The following SAMD10 variants were observed in gnomAD, a reference collection of about 807,000 sequenced individuals.
SAMD10 encodes sterile alpha motif domain-containing protein 10.
In SAMD10, 16 loss-of-function variants were observed where a neutral mutation model predicts 22.5. That is an observed-to-expected ratio of 0.71 (90% CI 0.48 to 1.08). SAMD10 has a LOEUF of 1.08. SAMD10 is among the 50% of genes least tolerant of loss of function. The pLI, the probability that SAMD10 is intolerant of heterozygous loss-of-function variation, is 0.00. For missense variants in SAMD10, 227 were observed against 281.3 expected (o/e 0.81, Z 1.38); for synonymous variants, 118 against 122.2 (o/e 0.97, Z 0.23).
chr20:63,976,706 G>A (rs115327087), intron 3 of SAMD10, among the ~76,000 whole-genome samples: 1,601 of 135,846 alleles, frequency 0.012, 27 homozygotes, highest in African/African-American at 0.041. Flanking sequence ...AGGATGTGGT[G>A]AGCCAAGATC....
Position 63,979,188 on chromosome 20 carries a change from C to T in SAMD10, c.91+189G>A, listed in dbSNP as rs934098710. On this transcript the variant is annotated intron_variant, in intron 1 of 4. Transcript: ENST00000369886. The surrounding 1 kb of genome is among the most constrained non-coding windows in gnomAD (Gnocchi z 7.7). ...CCCCAAGCCAAGGGCGCGCTGACCCCCAAGGCCTGAGGCTGGCTGCCCCCT... is the reference window on the plus strand; with the variant it reads ...CCCCAAGCCAAGGGCGCGCTGACCCTCAAGGCCTGAGGCTGGCTGCCCCCT... 6.6e-6 allele frequency among the ~76,000 whole-genome samples: 1 copy of T among 152,088 alleles called. No homozygotes were observed. Among genetic ancestry groups the T allele is most frequent in the African/African-American group, 2.4e-5 (1 of 41,424 alleles).
rs746817319 is a variant in SAMD10 at position 63,977,437 on chromosome 20, C to G, written c.92-31G>C. On this transcript the variant is annotated intron_variant, in intron 1 of 4. Coordinates refer to ENST00000369886, the MANE Select transcript of SAMD10 (RefSeq NM_080621.5). The surrounding 1 kb of genome is among the most constrained non-coding windows in gnomAD (Gnocchi z 5.4). ...TGTGGGGGTGCCTGGTCAGGGCAGT[C>G]AAGGGCAGAACCAGAGGCTTCCTCT... 1.2e-6 allele frequency: 2 copies of G among 1,607,114 alleles called. No homozygotes were observed. Among genetic ancestry groups the G allele is most frequent in the Admixed American group, 1.7e-5 (1 of 59,848 alleles).
chr20:63,978,542 G>C (rs916791062), intron 1 of SAMD10, among the ~76,000 whole-genome samples: 1 of 152,144 alleles, frequency 6.6e-6, no homozygotes, highest in African/African-American at 2.4e-5. Flanking sequence ...CAGGGGTTGG[G>C]GATGTGTCTA....
Position 63,979,017 on chromosome 20 carries a change from G to C in SAMD10, c.91+360C>G, listed in dbSNP as rs1432455913. The stretch of plus-strand genomic sequence containing the variant: ...AACGTCAGGATTCCAGAAGGAAATG[G>C]GGCGGGGGCACCGAGGCGGGATGTG... On this transcript the variant is annotated intron_variant, in intron 1 of 4. Coordinates refer to ENST00000369886, the MANE Select transcript of SAMD10 (RefSeq NM_080621.5). The surrounding 1 kb of genome is among the most constrained non-coding windows in gnomAD (Gnocchi z 7.7). Among the ~76,000 whole-genome samples the C allele has an allele frequency of 6.6e-6, 1 of 152,202 alleles. No homozygotes were observed. Among genetic ancestry groups the C allele is most frequent in the Non-Finnish European group, 1.5e-5 (1 of 68,028 alleles).
chr20:63,979,320 T>G lies in SAMD10; in HGVS notation c.91+57A>C. The stretch of plus-strand genomic sequence containing the variant: ...GGGTCCCGCCCCGCCCCCGTGCCTC[T>G]GGGTCCCTGAGACCCCCGCCCGAGA... On this transcript the variant is annotated intron_variant, in intron 1 of 4. Transcript: ENST00000369886. The surrounding 1 kb of genome is among the most constrained non-coding windows in gnomAD (Gnocchi z 7.7). 3 of 820,826 alleles carry G rather than the reference T, an allele frequency of 3.7e-6. No individual in the cohort carries two copies. The highest frequency in any genetic ancestry group is 5.0e-6 in the Non-Finnish European group (3 of 602,220). The allele number at this position is 820,826 out of a possible 1,614,324, so 50.8% of individuals were successfully genotyped here.
chr20:63,980,041 G>A (rs1481275194), upstream of SAMD10: 1 of 152,576 alleles, frequency 6.6e-6, no homozygotes, highest in Non-Finnish European at 1.5e-5. Flanking sequence ...CTGGCTCAGT[G>A]CCCGGGGGAG....
rs1412165438 is a variant in SAMD10, at chr20:63,975,849, G to A, written c.446-17C>T. 1.3e-5 allele frequency: 20 copies of A among 1,576,986 alleles called. No individual in the cohort carries two copies. Among genetic ancestry groups the A allele is most frequent in the Non-Finnish European group, 1.5e-5 (18 of 1,168,106 alleles). ...GTGCCCGGCCTGGGGAGAGGAAAGA[G>A]GGGCTGAGCTGAGGCCAACAGAGGC... On this transcript the variant is annotated splice_polypyrimidine_tract_variant and intron_variant, in intron 3 of 4. Coordinates refer to ENST00000369886, the MANE Select transcript of SAMD10 (RefSeq NM_080621.5).
chr20:63,976,360 G>C (rs2059022330), intron 3 of SAMD10, among the ~76,000 whole-genome samples: 1 of 152,072 alleles, frequency 6.6e-6, no homozygotes, highest in African/African-American at 2.4e-5. Context: ...AAAACACACA[G>C]AGACTTAAAG....
At chr20:63,976,809 A>AAAAGACAG (rs2059026244) in intron 3 of SAMD10, among the ~76,000 whole-genome samples, 162 bp downstream of exon 3, 1 of 151,612 alleles carries the variant, frequency 6.6e-6, no homozygotes, top group African/African-American at 2.4e-5. Flanking sequence ...AGAGAGATAG[A>AAAAGACAG]AAAGACAGAT....
At position 63,977,416 on chromosome 20, in the gene SAMD10, G is replaced by T. The variant is rs1435122965; in HGVS notation, c.92-10C>A. 6.2e-7 allele frequency: 1 copy of T among 1,612,190 alleles called. No individual in the cohort carries two copies. The highest frequency in any genetic ancestry group is 8.5e-7 in the Non-Finnish European group (1 of 1,179,678). On this transcript the variant is annotated splice_polypyrimidine_tract_variant and intron_variant, in intron 1 of 4. Transcript: ENST00000369886. The surrounding 1 kb of genome is among the most constrained non-coding windows in gnomAD (Gnocchi z 5.4). Reference sequence around the variant, plus strand: ...CTGAAGTGGGCAGTGGCTGTGTGTGGGGGTGCCTGGTCAGGGCAGTCAAGG... The same window carrying T: ...CTGAAGTGGGCAGTGGCTGTGTGTGTGGGTGCCTGGTCAGGGCAGTCAAGG...
Position 63,979,295 on chromosome 20 carries a change from G to A in SAMD10, c.91+82C>T. On this transcript the variant is annotated intron_variant, in intron 1 of 4. Coordinates refer to ENST00000369886, the MANE Select transcript of SAMD10 (RefSeq NM_080621.5). The surrounding 1 kb of genome is among the most constrained non-coding windows in gnomAD (Gnocchi z 7.7). The stretch of plus-strand genomic sequence containing the variant: ...CAGCCACCGCCGCTCGAAGCCCGCC[G>A]GGTCCCGCCCCGCCCCCGTGCCTCT... The A allele has an allele frequency of 1.9e-6, 2 of 1,041,566 alleles. No individual in the cohort carries two copies. The highest frequency in any genetic ancestry group is 2.6e-6 in the Non-Finnish European group (2 of 776,548). The allele number at this position is 1,041,566 out of a possible 1,614,324, so 64.5% of individuals were successfully genotyped here. A position where few individuals can be genotyped will look rare whatever the true frequency, so the allele number is the denominator to read the frequency against.
intron 1 of SAMD10, chr20:63,978,393 G>A: frequency 9.9e-7 from 1 of 1,014,700 alleles, no homozygotes; most frequent in South Asian, 1.3e-5. Context: ...GCACAGGCCT[G>A]CCCCTGTCTT....
At position 63,975,188 on chromosome 20, in the gene SAMD10, A is replaced by AG. The variant is rs1357946174; in HGVS notation, c.*321dup. Reference sequence around the variant, plus strand: ...AAATAAACAGACTCCCTGGGAGTCTAGGGGGGACATCCAAACCGGTTCTGG... The same window carrying AG: ...AAATAAACAGACTCCCTGGGAGTCTAGGGGGGGACATCCAAACCGGTTCTGG... On this transcript the variant is annotated 3_prime_UTR_variant, in exon 5 of 5. Transcript: ENST00000369886. The AG allele has an allele frequency of 8.9e-6, 4 of 448,002 alleles. No homozygotes were observed. Among genetic ancestry groups the AG allele is most frequent in the Admixed American group, 4.3e-5 (1 of 23,278 alleles). The allele number at this position is 448,002 out of a possible 1,614,324, so 27.8% of individuals were successfully genotyped here.
chr20:63,979,345 AAATCCCCGCTCCCC>A lies in SAMD10; in HGVS notation c.91+18_91+31del, dbSNP rs2059047646. The A allele has an allele frequency of 7.5e-7, 1 of 1,332,938 alleles. No individual in the cohort carries two copies. 82.6% of individuals were successfully genotyped at this position (1,332,938 alleles called of 1,614,324 possible). ...TGGGTCCCTGAGACCCCCGCCCGAGAAATCCCCGCTCCCCAATCCAGCCCCGCTCACCGTCCACA... is the reference window on the plus strand; with the variant it reads ...TGGGTCCCTGAGACCCCCGCCCGAGAAATCCAGCCCCGCTCACCGTCCACA... On this transcript the variant is annotated intron_variant, in intron 1 of 4. Coordinates refer to ENST00000369886, the MANE Select transcript of SAMD10 (RefSeq NM_080621.5). This position sits in a 1 kb window ranked among gnomAD's most constrained non-coding sequence, Gnocchi z 7.7.
Position 63,979,632 on chromosome 20 carries a change from G to A in SAMD10, c.-165C>T, listed in dbSNP as rs2059050762. The A allele has an allele frequency of 1.0e-6, 1 of 985,028 alleles. No homozygotes were observed. The highest frequency in any genetic ancestry group is 1.2e-6 in the Non-Finnish European group (1 of 830,034). The allele number at this position is 985,028 out of a possible 1,614,324, so 61.0% of individuals were successfully genotyped here. On this transcript the variant is annotated 5_prime_UTR_variant, in exon 1 of 5. Transcript: ENST00000369886. The surrounding 1 kb of genome is among the most constrained non-coding windows in gnomAD (Gnocchi z 7.7). ...TGTGCGCGACGAGGCACCTGCCGCC[G>A]AGCCCTGTGTGCCGGGCGCGCTCCG...
At position 63,978,869 on chromosome 20, in the gene SAMD10, C is replaced by T. The variant is rs918253347; in HGVS notation, c.91+508G>A. On this transcript the variant is annotated intron_variant, in intron 1 of 4. Coordinates refer to ENST00000369886, the MANE Select transcript of SAMD10 (RefSeq NM_080621.5). The stretch of plus-strand genomic sequence containing the variant: ...AAGCGCGCGGCAGTCCGGGGAAACC[C>T]GTCGGACTCCTCAGCCCGCACGGCA... 1.6e-4 allele frequency among the ~76,000 whole-genome samples: 25 copies of T among 152,330 alleles called. No individual in the cohort carries two copies. The South Asian group carries it at 5.2e-3, about 32-fold the overall frequency.
chr20:63,975,151 A>G lies in SAMD10; in HGVS notation c.*359T>C. On this transcript the variant is annotated 3_prime_UTR_variant, in exon 5 of 5. Transcript: ENST00000369886. ...GCGATGGGGGACCGACATCACGTGG[A>G]GAGGGGAATGTAAATAAACAGACTC... 1 of 326,330 alleles carries G rather than the reference A, an allele frequency of 3.1e-6. No individual in the cohort carries two copies. Among genetic ancestry groups the G allele is most frequent in the South Asian group, 3.2e-5 (1 of 31,180 alleles). The allele number at this position is 326,330 out of a possible 1,614,324, so 20.2% of individuals were successfully genotyped here.
In SAMD10 at chr20:63,975,357, A is replaced by C; in HGVS notation, c.*153T>G. 2.4e-6 allele frequency: 2 copies of C among 826,242 alleles called. No homozygotes were observed. Among genetic ancestry groups the C allele is most frequent in the East Asian group, 2.9e-5 (1 of 34,282 alleles). The allele number at this position is 826,242 out of a possible 1,614,324, so 51.2% of individuals were successfully genotyped here. ...GGAATGTCCAACCAGAGGCGCCTGGAGGTGTGATCCTGGTCCTGTCTGTCC... is the reference window on the plus strand; with the variant it reads ...GGAATGTCCAACCAGAGGCGCCTGGCGGTGTGATCCTGGTCCTGTCTGTCC... On this transcript the variant is annotated 3_prime_UTR_variant, in exon 5 of 5. Coordinates refer to ENST00000369886, the MANE Select transcript of SAMD10 (RefSeq NM_080621.5).
intron 1 of SAMD10, among the ~76,000 whole-genome samples, chr20:63,978,718 TG>T (rs764987209): frequency 1.3e-5 from 2 of 152,212 alleles, no homozygotes; most frequent in African/African-American, 4.8e-5. Context: ...GTGTGCTCAG[TG>T]GGCCACCGCC....
Sources: allele counts gnomAD v4.1 joint callset (sites outside exome capture counted in the v4.1 genomes callset), GRCh38; gene constraint gnomAD v4.1.1; non-coding constraint Gnocchi (gnomAD v3.1); transcripts MANE v1.5; gene names NCBI Gene and HGNC (gene_info 2026-07-23, HGNC 2026-07-21).